Variants in MCPH1 observed in about 807,000 individuals in gnomAD.
The protein encoded by MCPH1 is microcephalin 1.
MCPH1 carries 104 observed loss-of-function variants against 84.5 expected under a neutral mutation model. That is an observed-to-expected ratio of 1.23 (90% CI 1.05 to 1.45). The LOEUF (loss-of-function observed/expected upper bound fraction) is 1.45. Ranked by LOEUF, MCPH1 falls within the 40% of genes most tolerant of loss-of-function variation. The pLI is 0.00. For missense variants in MCPH1, 1,498 were observed against 1,005.7 expected, an observed-to-expected ratio of 1.49 and a Z score of -6.62; for synonymous variants, 514 against 366.8, an observed-to-expected ratio of 1.40 and a Z score of -4.58.
chr8:6,491,110 A>G (rs956498514), intron 11 of MCPH1, among the ~76,000 whole-genome samples: 1 of 151,342 alleles, frequency 6.6e-6, no homozygotes, highest in Non-Finnish European at 1.5e-5. Flanking sequence ...AAACTTTCAA[A>G]GTAGTATGGC....
intron 12 of MCPH1, chr8:6,620,960 G>T (rs2253560): frequency 5.2e-6 from 1 of 191,274 alleles, no homozygotes; most frequent in Non-Finnish European, 1.1e-5. Flanking sequence ...TCCCCGTCCA[G>T]ACCATGGTAT....
Position 6,421,929 on chromosome 8 carries a change from T to G in MCPH1, c.233+7046T>G, listed in dbSNP as rs79205281. On this transcript the variant is annotated intron_variant, in intron 3 of 13. Transcript: ENST00000344683. ...GGCCTGTGCTGAGAACTCTGCCCCG[T>G]CTTCCTGATTCTAAACCCAGTTTTG... Among the ~76,000 whole-genome samples the G allele has an allele frequency of 2.0e-5, 3 of 152,204 alleles. No homozygotes were observed. In the South Asian group the frequency reaches 6.2e-4, roughly 32 times the overall value.
In MCPH1 at chr8:6,554,258, G is replaced by A. The variant is rs545373382; in HGVS notation, c.2214+54329G>A. ...AATGCCCAGGTGGTCTGGACTAAAT[G>A]TGACAAAATTGAGAAATAGACCCTA... On this transcript the variant is annotated intron_variant, in intron 12 of 13. Coordinates refer to ENST00000344683, the MANE Select transcript of MCPH1 (RefSeq NM_024596.5). Among the ~76,000 whole-genome samples, 8 of 150,878 alleles carry A rather than the reference G, an allele frequency of 5.3e-5. No homozygotes were observed. In the East Asian group the frequency reaches 7.8e-4, roughly 15 times the overall value.
At chr8:6,527,596 C>T in intron 12 of MCPH1, 1 of 1,613,950 alleles carries the variant, frequency 6.2e-7, no homozygotes, top group East Asian at 2.2e-5. Context: ...TGGTCTGGTC[C>T]AAAATCTGTT....
At chr8:6,449,033 G>A (rs947383365) in intron 8 of MCPH1, among the ~76,000 whole-genome samples, 2 of 152,156 alleles carry the variant, frequency 1.3e-5, no homozygotes, top group East Asian at 3.9e-4. Context: ...TTGGAGTTCA[G>A]ACTGAGTGTT....
intron 12 of MCPH1, among the ~76,000 whole-genome samples, chr8:6,564,636 G>A (rs1825994240): frequency 6.6e-6 from 1 of 152,108 alleles, no homozygotes; most frequent in Non-Finnish European, 1.5e-5. Flanking sequence ...CTGAATAGCT[G>A]GTACACTGAC....
chr8:6,632,448 C>G (rs1446839894), intron 13 of MCPH1, among the ~76,000 whole-genome samples: 1 of 152,088 alleles, frequency 6.6e-6, no homozygotes, highest in African/African-American at 2.4e-5. Context: ...ATCTATTCAC[C>G]TCATTTTACA....
At chr8:6,456,803 G>T (rs531631277) in intron 9 of MCPH1, among the ~76,000 whole-genome samples, 6 of 152,270 alleles carry the variant, frequency 3.9e-5, no homozygotes, top group Admixed American at 3.9e-4. Context: ...CAGACGAGTG[G>T]TATTGCCTCC....
chr8:6,528,355 C>G (rs1818778222), intron 12 of MCPH1, among the ~76,000 whole-genome samples: 1 of 152,202 alleles, frequency 6.6e-6, no homozygotes, highest in Non-Finnish European at 1.5e-5. Context: ...AGTATTTTCC[C>G]TTTGCCGAAA....
chr8:6,579,475 C>T (rs540973309), intron 12 of MCPH1, among the ~76,000 whole-genome samples: 1 of 152,156 alleles, frequency 6.6e-6, no homozygotes, highest in Non-Finnish European at 1.5e-5. Context: ...CCCTCTGGTG[C>T]AATCCTGCAT....
chr8:6,455,113 T>G, intron 8 of MCPH1, 30 bp from the exon 9 acceptor site: 3 of 1,550,920 alleles, frequency 1.9e-6, no homozygotes, highest in Middle Eastern at 1.7e-4. Flanking sequence ...TGTAAAGTTC[T>G]AACTAATTTT....
intron 12 of MCPH1, among the ~76,000 whole-genome samples, chr8:6,575,797 T>G (rs1827030911): frequency 6.6e-6 from 1 of 152,084 alleles, no homozygotes; most frequent in African/African-American, 2.4e-5. Context: ...GAACGCCTCG[T>G]GACAACGCAG....
intron 3 of MCPH1, among the ~76,000 whole-genome samples, chr8:6,420,081 C>A (rs994630628): frequency 6.6e-6 from 1 of 151,286 alleles, no homozygotes; most frequent in African/African-American, 2.4e-5. Context: ...TCGTGTATCT[C>A]GTTTGCGTTT....
intron 13 of MCPH1, among the ~76,000 whole-genome samples, chr8:6,631,478 AAC>A (rs1161557409): frequency 1.3e-5 from 2 of 152,090 alleles, no homozygotes; most frequent in African/African-American, 4.8e-5. Flanking sequence ...ACAAAAAAAA[AAC>A]CCCAGTTTCA....
chr8:6,508,767 T>C, intron 12 of MCPH1: 1 of 979,262 alleles, frequency 1.0e-6, no homozygotes, highest in East Asian at 2.5e-5. Context: ...TAAAACTTAG[T>C]CTAAAAAAAG....
chr8:6,456,315 G>T (rs1014431662), intron 9 of MCPH1, among the ~76,000 whole-genome samples: 1 of 152,170 alleles, frequency 6.6e-6, no homozygotes, highest in Non-Finnish European at 1.5e-5. Context: ...TGACTCCACT[G>T]CAGCCTGCGG....
At chr8:6,550,846 A>G (rs913775453) in intron 12 of MCPH1, among the ~76,000 whole-genome samples, 1 of 152,192 alleles carries the variant, frequency 6.6e-6, no homozygotes, top group Non-Finnish European at 1.5e-5. Flanking sequence ...TGCACCTGAT[A>G]AATGCCAGCT....
At chr8:6,411,590 T>C (rs1798548925) in intron 2 of MCPH1, among the ~76,000 whole-genome samples, 1 of 152,170 alleles carries the variant, frequency 6.6e-6, no homozygotes, top group Non-Finnish European at 1.5e-5. Flanking sequence ...CTTCTAATCT[T>C]GAAATTGTGA....
chr8:6,637,418 G>C (rs1372400024), intron 13 of MCPH1, among the ~76,000 whole-genome samples: 1 of 152,162 alleles, frequency 6.6e-6, no homozygotes, highest in Non-Finnish European at 1.5e-5. Flanking sequence ...GGAATGGTAA[G>C]GGCTGAGAGG....
Sources: gnomAD v4.1 joint callset for allele counts (sites outside exome capture counted in the v4.1 genomes callset) on GRCh38, gnomAD v4.1.1 for gene constraint, MANE v1.5 for transcripts, NCBI Gene and HGNC (gene_info 2026-07-23, HGNC 2026-07-21) for gene names.